Variants in FNDC3B observed in about 807,000 individuals in gnomAD.
FNDC3B encodes fibronectin type III domain containing 3B.
In FNDC3B, 12 loss-of-function variants were observed where a neutral mutation model predicts 151.5. That is an observed-to-expected ratio of 0.08 (90% confidence interval 0.05 to 0.13). FNDC3B has a LOEUF of 0.13. FNDC3B is among the 10% of genes least tolerant of loss of function. The pLI, the probability that FNDC3B is intolerant of heterozygous loss-of-function variation, is 1.00. For synonymous variants in FNDC3B, 528 were observed against 549.0 expected (o/e 0.96, Z 0.54); for missense variants, 1,214 against 1,505.3 (o/e 0.81, Z 3.20).
intron 3 of FNDC3B, among the ~76,000 whole-genome samples, chr3:172,226,569 G>C (rs1486862935): frequency 1.3e-5 from 2 of 152,116 alleles, no homozygotes; most frequent in Non-Finnish European, 1.5e-5. Context: ...GCCCCACTCT[G>C]TTACACTACT....
intron 1 of FNDC3B, among the ~76,000 whole-genome samples, 164 bp from the exon 2 acceptor site, chr3:172,112,288 C>T (rs978249855): frequency 1.3e-5 from 2 of 152,194 alleles, no homozygotes; most frequent in African/African-American, 2.4e-5. Flanking sequence ...ATTTCCGTGC[C>T]TTTGTTCTAC....
chr3:172,142,040 A>G (rs1191759563), intron 3 of FNDC3B, among the ~76,000 whole-genome samples: 2 of 152,148 alleles, frequency 1.3e-5, no homozygotes, highest in East Asian at 3.8e-4. Flanking sequence ...TAACTTCTCT[A>G]CACCTCAGTT....
intron 7 of FNDC3B, among the ~76,000 whole-genome samples, chr3:172,288,899 G>A (rs1730167016): frequency 6.6e-6 from 1 of 152,218 alleles, no homozygotes; most frequent in African/African-American, 2.4e-5. Context: ...TGCCTGGGCT[G>A]AAGGCATATC....
At chr3:172,217,721 T>A (rs1018425012) in intron 3 of FNDC3B, among the ~76,000 whole-genome samples, 3 of 152,164 alleles carry the variant, frequency 2.0e-5, no homozygotes, top group African/African-American at 7.2e-5. Flanking sequence ...TCAACTTCAA[T>A]GAAATTGAGG....
At chr3:172,045,807 T>TAC (rs71635716) in intron 1 of FNDC3B, among the ~76,000 whole-genome samples, 5,293 of 151,464 alleles carry the variant, frequency 0.035, 222 homozygotes, top group African/African-American at 0.088. Flanking sequence ...TATATATATA[T>TAC]ACACTTTGCC....
chr3:172,153,237 A>G (rs147581493), intron 3 of FNDC3B, among the ~76,000 whole-genome samples: 77 of 152,320 alleles, frequency 5.1e-4, no homozygotes, highest in African/African-American at 1.8e-3. Flanking sequence ...AGAGAAAATA[A>G]TAACTCTAGA....
At chr3:172,102,713 C>A (rs551696312) in intron 1 of FNDC3B, among the ~76,000 whole-genome samples, 3 of 152,134 alleles carry the variant, frequency 2.0e-5, no homozygotes, top group African/African-American at 7.2e-5. Flanking sequence ...CTGGGTAAAG[C>A]GTGAGCTTCT....
At chr3:172,051,014 C>T (rs1716623677) in intron 1 of FNDC3B, among the ~76,000 whole-genome samples, 1 of 151,902 alleles carries the variant, frequency 6.6e-6, no homozygotes, top group Non-Finnish European at 1.5e-5. Flanking sequence ...AAATGATCTC[C>T]CCTTTTCTTT....
At chr3:172,104,496 T>C (rs1379779503) in intron 1 of FNDC3B, among the ~76,000 whole-genome samples, 2 of 152,006 alleles carry the variant, frequency 1.3e-5, no homozygotes, top group Non-Finnish European at 2.9e-5. Context: ...TTTTTTGTGC[T>C]ACTTAATTTG....
intron 1 of FNDC3B, among the ~76,000 whole-genome samples, chr3:172,101,668 T>C (rs1474952842): frequency 6.6e-6 from 1 of 152,254 alleles, no homozygotes; most frequent in Non-Finnish European, 1.5e-5. Flanking sequence ...AAGATATTAC[T>C]CTAGCAGTCT....
intron 25 of FNDC3B, among the ~76,000 whole-genome samples, chr3:172,389,321 T>C (rs1735885033): frequency 1.3e-5 from 2 of 152,178 alleles, no homozygotes; most frequent in Non-Finnish European, 2.9e-5. Context: ...AATCTGTTAC[T>C]CTAAAAAAAT....
intron 1 of FNDC3B, among the ~76,000 whole-genome samples, chr3:172,096,067 T>C (rs1719074329): frequency 6.6e-6 from 1 of 152,252 alleles, no homozygotes; most frequent in Non-Finnish European, 1.5e-5. Flanking sequence ...TATTGCCAGT[T>C]TGGTTCTCTG....
intron 2 of FNDC3B, among the ~76,000 whole-genome samples, chr3:172,121,863 G>A (rs1006136193): frequency 1.3e-5 from 2 of 152,092 alleles, no homozygotes; most frequent in Non-Finnish European, 2.9e-5. Flanking sequence ...CACTATGCCC[G>A]GCCATAAAGC....
At chr3:172,153,693 TCAAA>T (rs1722344880) in intron 3 of FNDC3B, among the ~76,000 whole-genome samples, 1 of 152,010 alleles carries the variant, frequency 6.6e-6, no homozygotes, top group South Asian at 2.1e-4. Flanking sequence ...GCCTCAAGAG[TCAAA>T]CAGTGATTTG....
At chr3:172,259,014 CTG>C (rs1253989199) in intron 6 of FNDC3B, among the ~76,000 whole-genome samples, 1 of 152,146 alleles carries the variant, frequency 6.6e-6, no homozygotes, top group Non-Finnish European at 1.5e-5. Flanking sequence ...CATTTGAACA[CTG>C]TACTGTTTCT....
chr3:172,045,981 C>A (rs182022521), intron 1 of FNDC3B, among the ~76,000 whole-genome samples: 27 of 152,160 alleles, frequency 1.8e-4, no homozygotes, highest in Non-Finnish European at 3.4e-4. Context: ...AGATGCCAGA[C>A]CCTAGTAACA....
chr3:172,258,219 A>G (rs887968153), intron 6 of FNDC3B, among the ~76,000 whole-genome samples: 8 of 152,202 alleles, frequency 5.3e-5, no homozygotes, highest in African/African-American at 1.7e-4. Flanking sequence ...TAACAATCCA[A>G]AGACTCAGTT....
At chr3:172,264,773 T>A (rs977335452) in intron 6 of FNDC3B, among the ~76,000 whole-genome samples, 5 of 152,226 alleles carry the variant, frequency 3.3e-5, no homozygotes, top group Non-Finnish European at 7.3e-5. Context: ...TATTTACTTT[T>A]GAAGAAGAAA....
intron 1 of FNDC3B, among the ~76,000 whole-genome samples, chr3:172,092,518 G>A (rs1488924725): frequency 6.6e-6 from 1 of 152,200 alleles, no homozygotes; most frequent in Non-Finnish European, 1.5e-5. Context: ...ATCTCTCAGA[G>A]AGGCTCATAA....
Sources: allele counts gnomAD v4.1 joint callset (sites outside exome capture counted in the v4.1 genomes callset), GRCh38; gene constraint gnomAD v4.1.1; transcripts MANE v1.5; gene names NCBI Gene and HGNC (gene_info 2026-07-23, HGNC 2026-07-21).